Variants in GABRB2 observed in about 807,000 individuals in gnomAD.
GABRB2 encodes gamma-aminobutyric acid receptor subunit beta-2.
A neutral mutation model predicts 54.7 loss-of-function variants in GABRB2; 16 were observed. The ratio of observed to expected loss-of-function variants is 0.29; its 90% CI spans 0.20 to 0.44. The LOEUF (loss-of-function observed/expected upper bound fraction) is 0.44, where lower values mean the gene tolerates loss of function less well. GABRB2 is among the 20% of genes least tolerant of loss of function. The pLI is 1.00. For synonymous variants in GABRB2, 244 were observed against 233.8 expected (o/e 1.04, Z -0.40); for missense variants, 355 against 644.0 (o/e 0.55, Z 4.86).
intron 3 of GABRB2, among the ~76,000 whole-genome samples, chr5:161,540,816 GT>G (rs1760787617): frequency 6.6e-6 from 1 of 151,892 alleles, no homozygotes; most frequent in African/African-American, 2.4e-5. Flanking sequence ...TTGTTGTTTT[GT>G]TTGTTTTCTA....
chr5:161,536,522 G>GT (rs1222226259), intron 3 of GABRB2, among the ~76,000 whole-genome samples: 2 of 152,158 alleles, frequency 1.3e-5, no homozygotes, highest in Non-Finnish European at 2.9e-5. Flanking sequence ...CAGAGAATAT[G>GT]TAAGTCTTCA....
intron 3 of GABRB2, among the ~76,000 whole-genome samples, chr5:161,544,105 T>C (rs1760897635): frequency 6.6e-6 from 1 of 152,198 alleles, no homozygotes; most frequent in Non-Finnish European, 1.5e-5. Context: ...ATTCTGGGAA[T>C]ATGGAAATTT....
chr5:161,474,009 T>C (rs1758520068), intron 3 of GABRB2, among the ~76,000 whole-genome samples: 1 of 151,864 alleles, frequency 6.6e-6, no homozygotes, highest in African/African-American at 2.4e-5. Flanking sequence ...AGGAGGTGGA[T>C]ATTTGAGTAG....
intron 9 of GABRB2, among the ~76,000 whole-genome samples, chr5:161,324,456 T>C (rs372944506): frequency 2.4e-4 from 37 of 152,162 alleles, no homozygotes; most frequent in African/African-American, 8.7e-4. Flanking sequence ...GCCGTTGGTA[T>C]AATTATCTCA....
intron 5 of GABRB2, among the ~76,000 whole-genome samples, 183 bp from the exon 6 acceptor site, chr5:161,336,952 C>T (rs559385795): frequency 2.6e-5 from 4 of 152,102 alleles, no homozygotes; most frequent in African/African-American, 9.6e-5. Flanking sequence ...TGTATTTAAT[C>T]CTCATGACGA....
intron 9 of GABRB2, among the ~76,000 whole-genome samples, chr5:161,321,510 C>G (rs1349479171): frequency 6.6e-6 from 1 of 152,028 alleles, no homozygotes; most frequent in African/African-American, 2.4e-5. Context: ...CTAACTTTGA[C>G]GACATTTTAC....
chr5:161,393,674 A>C (rs572720730), intron 5 of GABRB2, among the ~76,000 whole-genome samples: 2 of 152,280 alleles, frequency 1.3e-5, no homozygotes, highest in South Asian at 4.1e-4. Context: ...AGGACATTTC[A>C]TTATGATAAA....
At position 161,355,613 on chromosome 5, in the gene GABRB2, G is replaced by T. The variant is rs149709309; in HGVS notation, c.542-18844C>A. On this transcript the variant is annotated intron_variant, in intron 5 of 9. Coordinates refer to ENST00000393959, the MANE Select transcript of GABRB2 (RefSeq NM_001371727.1). ...TCTACTGATTAACATTTACACAACA[G>T]AAAAAATTGGTCTTTTTATCTGCTA... Among the ~76,000 whole-genome samples, 175 of 151,804 alleles carry T rather than the reference G, an allele frequency of 1.2e-3. 1 individual carries two copies. The highest frequency in any genetic ancestry group is 4.0e-3 in the African/African-American group (166 of 41,492).
rs182783183 is a variant in GABRB2 at position 161,322,308 on chromosome 5, G to A, written c.1191+4060C>T. 3.6e-4 allele frequency among the ~76,000 whole-genome samples: 55 copies of A among 152,118 alleles called. No individual in the cohort carries two copies. In the East Asian group the frequency reaches 5.2e-3, roughly 14 times the overall value. Reference sequence around the variant, plus strand: ...TGGAGAGCAATGGTGCAATCTTGGCGCGCTGCAACCTCCACCTTCGAGGCT... The same window carrying A: ...TGGAGAGCAATGGTGCAATCTTGGCACGCTGCAACCTCCACCTTCGAGGCT... On this transcript the variant is annotated intron_variant, in intron 9 of 9. Transcript: ENST00000393959.
At chr5:161,475,146 C>A (rs1485175890) in intron 3 of GABRB2, among the ~76,000 whole-genome samples, 1 of 151,966 alleles carries the variant, frequency 6.6e-6, no homozygotes, top group Non-Finnish European at 1.5e-5. Flanking sequence ...AGCTTAATAT[C>A]TCTAAGTTTC....
chr5:161,508,167 G>T (rs1019713081), intron 3 of GABRB2, among the ~76,000 whole-genome samples: 4 of 151,432 alleles, frequency 2.6e-5, no homozygotes, highest in African/African-American at 9.7e-5. Flanking sequence ...GAGATTTCTA[G>T]ATATAAACCT....
intron 3 of GABRB2, among the ~76,000 whole-genome samples, chr5:161,511,771 G>A (rs1026497488): frequency 2.6e-5 from 4 of 151,854 alleles, no homozygotes; most frequent in Admixed American, 2.0e-4. Flanking sequence ...TTCTCCCTAC[G>A]TCTCTTCATA....
At chr5:161,506,896 T>C (rs1245374616) in intron 3 of GABRB2, among the ~76,000 whole-genome samples, 2 of 152,084 alleles carry the variant, frequency 1.3e-5, no homozygotes, top group African/African-American at 4.8e-5. Flanking sequence ...ATAGAAAAAA[T>C]GATTTTCTAC....
At chr5:161,326,637 A>T (rs1388097655) in intron 8 of GABRB2, among the ~76,000 whole-genome samples, 156 bp from the exon 9 acceptor site, 5 of 152,176 alleles carry the variant, frequency 3.3e-5, no homozygotes, top group Admixed American at 6.5e-5. Context: ...GTAAGTTTTT[A>T]AAAAATGTTT....
rs528086771 is a variant in GABRB2 at position 161,440,070 on chromosome 5, A to C, written c.458+19554T>G. On this transcript the variant is annotated intron_variant, in intron 4 of 9. Transcript: ENST00000393959. ...TCATGGTAACCTCAAACCAAAAAAA[A>C]AAAAAAAAACAAAACACATACCACA... 1.9e-4 allele frequency among the ~76,000 whole-genome samples: 29 copies of C among 150,538 alleles called. 1 individual carries two copies. The highest frequency in any genetic ancestry group is 3.4e-3 in the Middle Eastern group (1 of 290).
chr5:161,458,862 T>C (rs143724759), intron 4 of GABRB2, among the ~76,000 whole-genome samples: 17 of 152,320 alleles, frequency 1.1e-4, no homozygotes, highest in Admixed American at 7.2e-4. Flanking sequence ...CACATATTCA[T>C]GTAACACAGA....
At chr5:161,420,873 T>C (rs1186900787) in intron 4 of GABRB2, among the ~76,000 whole-genome samples, 1 of 152,122 alleles carries the variant, frequency 6.6e-6, no homozygotes, top group Admixed American at 6.5e-5. Context: ...CATCAAAAAA[T>C]TAGAACTCTT....
chr5:161,405,769 A>G (rs1756332253), intron 5 of GABRB2, among the ~76,000 whole-genome samples: 2 of 152,042 alleles, frequency 1.3e-5, no homozygotes, highest in African/African-American at 2.4e-5. Context: ...ACCCAATACA[A>G]AATATATTAG....
chr5:161,347,359 A>C (rs934607296), intron 5 of GABRB2, among the ~76,000 whole-genome samples: 1 of 152,106 alleles, frequency 6.6e-6, no homozygotes, highest in Non-Finnish European at 1.5e-5. Flanking sequence ...AACACTTGAC[A>C]CTATTATTCA....
Sources: gnomAD v4.1 joint callset for allele counts (sites outside exome capture counted in the v4.1 genomes callset) on GRCh38, gnomAD v4.1.1 for gene constraint, MANE v1.5 for transcripts, NCBI Gene and HGNC (gene_info 2026-07-23, HGNC 2026-07-21) for gene names.